Variants in EYA3 observed in about 807,000 individuals in gnomAD.
EYA3 encodes protein phosphatase EYA3.
EYA3 carries 39 observed loss-of-function variants against 80.0 expected under a neutral mutation model. The ratio of observed to expected loss-of-function variants is 0.49; its 90% CI spans 0.38 to 0.64. The LOEUF is 0.64. Ranked by LOEUF, EYA3 falls within the 30% of genes least tolerant of loss-of-function variation. The pLI is 0.00. For missense variants in EYA3, 523 were observed against 676.1 expected (o/e 0.77, Z 2.51); for synonymous variants, 206 against 232.8 (o/e 0.88, Z 1.05).
chr1:28,012,544 G>GT (rs1316269279), intron 9 of EYA3, among the ~76,000 whole-genome samples: 1 of 152,170 alleles, frequency 6.6e-6, no homozygotes, highest in Non-Finnish European at 1.5e-5. Context: ...AATAAAAAGT[G>GT]TGTGTATATA....
chr1:27,995,517 G>A, intron 13 of EYA3, among the ~76,000 whole-genome samples: 1 of 151,032 alleles, frequency 6.6e-6, no homozygotes, highest in Non-Finnish European at 1.5e-5. Flanking sequence ...TGGGTAGATT[G>A]CTTAAGCTCA....
chr1:28,088,105 T>C (rs1216614199), intron 1 of EYA3, among the ~76,000 whole-genome samples: 3 of 151,776 alleles, frequency 2.0e-5, no homozygotes, highest in Non-Finnish European at 2.9e-5. Flanking sequence ...CAGTTTCTCG[T>C]GGTGAAGAGT....
chr1:27,984,922 C>T (rs1403244897), intron 16 of EYA3, among the ~76,000 whole-genome samples: 2 of 152,124 alleles, frequency 1.3e-5, no homozygotes, highest in African/African-American at 4.8e-5. Flanking sequence ...AATATTAGAA[C>T]AGGCCTAATA....
At chr1:28,019,715 T>G (rs568020570) in intron 7 of EYA3, among the ~76,000 whole-genome samples, 1 of 152,198 alleles carries the variant, frequency 6.6e-6, no homozygotes, top group South Asian at 2.1e-4. Flanking sequence ...CTTTTTTTCT[T>G]TTTTTTGAGA....
chr1:28,040,775 C>T (rs1255113916), intron 4 of EYA3, among the ~76,000 whole-genome samples: 1 of 145,934 alleles, frequency 6.9e-6, no homozygotes, highest in African/African-American at 2.5e-5. Context: ...GAGGGCAACT[C>T]TTGCAGAAGT....
At chr1:28,048,346 T>C (rs1000835148) in intron 3 of EYA3, 37 bp downstream of exon 3, 3 of 1,510,466 alleles carry the variant, frequency 2.0e-6, no homozygotes, top group Admixed American at 2.0e-5. Flanking sequence ...ACAAAACTTA[T>C]GAGTAGTTCA....
intron 4 of EYA3, among the ~76,000 whole-genome samples, chr1:28,039,475 C>T (rs1230567189): frequency 4.6e-5 from 7 of 152,164 alleles, no homozygotes. Flanking sequence ...TTTGGCAAAT[C>T]ACAGACAGAC....
At chr1:28,045,069 C>A (rs1022948142) in intron 3 of EYA3, among the ~76,000 whole-genome samples, 3 of 152,112 alleles carry the variant, frequency 2.0e-5, no homozygotes, top group African/African-American at 7.2e-5. Flanking sequence ...CAGTGTCCAG[C>A]TTTAATGGTA....
chr1:28,085,122 T>C (rs1448616123), intron 1 of EYA3, among the ~76,000 whole-genome samples: 2 of 152,024 alleles, frequency 1.3e-5, no homozygotes, highest in Non-Finnish European at 2.9e-5. Flanking sequence ...GACAAGGACT[T>C]GTTGGAGGTA....
intron 3 of EYA3, among the ~76,000 whole-genome samples, chr1:28,044,916 C>T (rs759432988): frequency 1.3e-5 from 2 of 151,960 alleles, no homozygotes; most frequent in African/African-American, 4.8e-5. Context: ...GGACTACAGG[C>T]ATGTGCCACA....
At chr1:28,027,686 A>G (rs765902235) in intron 7 of EYA3, 103 bp downstream of exon 7, 2 of 1,430,494 alleles carry the variant, frequency 1.4e-6, no homozygotes, top group Non-Finnish European at 1.9e-6. Flanking sequence ...TAGAAGACAG[A>G]GCTCCTGTAT....
At chr1:28,036,849 A>C (rs1643482618) in intron 5 of EYA3, among the ~76,000 whole-genome samples, 1 of 152,130 alleles carries the variant, frequency 6.6e-6, no homozygotes. Flanking sequence ...TTAAAGGGGA[A>C]ATTTTTTTTT....
At chr1:28,022,300 C>T (rs1322534705) in intron 7 of EYA3, among the ~76,000 whole-genome samples, 1 of 152,108 alleles carries the variant, frequency 6.6e-6, no homozygotes, top group South Asian at 2.1e-4. Context: ...AAGCACCCAC[C>T]ACCACACCCA....
intron 4 of EYA3, among the ~76,000 whole-genome samples, chr1:28,041,041 C>T (rs375571648): frequency 1.3e-5 from 2 of 152,174 alleles, no homozygotes; most frequent in African/African-American, 4.8e-5. Context: ...CTATATCTGA[C>T]AAGAGCAAGT....
intron 6 of EYA3, among the ~76,000 whole-genome samples, chr1:28,034,532 C>T (rs1399484028): frequency 6.6e-6 from 1 of 152,080 alleles, no homozygotes; most frequent in Non-Finnish European, 1.5e-5. Flanking sequence ...ATTTGTTTCC[C>T]ATTTCATATG....
At chr1:28,005,708 C>T (rs1641217088) in intron 10 of EYA3, among the ~76,000 whole-genome samples, 1 of 151,678 alleles carries the variant, frequency 6.6e-6, no homozygotes, top group Non-Finnish European at 1.5e-5. Flanking sequence ...AAGTGAGAAC[C>T]TGTCTCAAAA....
Position 27,974,455 on chromosome 1 carries a change from C to A in EYA3, c.*11G>T. On this transcript the variant is annotated 3_prime_UTR_variant, in exon 18 of 18. Transcript: ENST00000373871. ...AAAGGAGCTCAAGGGGAAGGCTCCT[C>A]ATTCCAGTTCTTAGAGAAAATCAAG... The A allele has an allele frequency of 6.2e-7, 1 of 1,610,288 alleles. No individual in the cohort carries two copies. Among genetic ancestry groups the A allele is most frequent in the South Asian group, 1.1e-5 (1 of 90,922 alleles).
At chr1:28,038,327 C>A (rs1161490602) in intron 5 of EYA3, among the ~76,000 whole-genome samples, 1 of 151,288 alleles carries the variant, frequency 6.6e-6, no homozygotes, top group African/African-American at 2.4e-5. Flanking sequence ...TCCCAGCTAT[C>A]CGGGAGGCTG....
rs1388950898 is a variant in EYA3, at chr1:27,974,286, AGAGGGAGGGAGAGAGGAAGG to A, written c.*160_*179del. On this transcript the variant is annotated 3_prime_UTR_variant, in exon 18 of 18. Coordinates refer to ENST00000373871, the MANE Select transcript of EYA3 (RefSeq NM_001990.4). ...GAGAGAGAGAGAGAGAGAGAGGCAG[AGAGGGAGGGAGAGAGGAAGG>A]GAGGGAGGGAGAGAGGGAGAGAGAG... 1.1e-5 allele frequency: 5 copies of A among 438,294 alleles called. No homozygotes were observed. Among genetic ancestry groups the A allele is most frequent in the East Asian group, 3.6e-5 (1 of 28,168 alleles). The allele number at this position is 438,294 out of a possible 1,614,324, so 27.2% of individuals were successfully genotyped here.
Sources: allele counts gnomAD v4.1 joint callset (sites outside exome capture counted in the v4.1 genomes callset), GRCh38; gene constraint gnomAD v4.1.1; transcripts MANE v1.5; gene names NCBI Gene and HGNC (gene_info 2026-07-23, HGNC 2026-07-21).